The following M1AP variants were observed in gnomAD, a reference collection of about 807,000 sequenced individuals.
M1AP encodes meiosis 1 associated protein, also known as meiosis 1 arrest protein.
M1AP carries 39 observed loss-of-function variants against 51.2 expected under a neutral mutation model. The observed-to-expected ratio is 0.76, with a 90% CI of 0.59 to 1.00. The LOEUF is 1.00. M1AP is among the 50% of genes least tolerant of loss of function. The probability of loss-of-function intolerance (pLI) is 0.00; values close to 1 mark genes in which losing one functional copy is unlikely to be tolerated. For missense variants in M1AP, 545 were observed against 641.2 expected (o/e 0.85, Z 1.62); for synonymous variants, 251 against 249.2 (o/e 1.01, Z -0.07).
chr2:74,560,175 G>T lies in M1AP; in HGVS notation c.1398C>A (p.His466Gln). The change falls in exon 9 of 11, where the codon CAC (histidine) becomes CAA (glutamine). Residue 466 changes from histidine (H) to glutamine (Q), a missense_variant. His to Gln is a conservative substitution (Grantham distance 24, BLOSUM62 0). Transcript: ENST00000421985. ...CCTTTCTCGGAGCTCGGCTCTCCCAGTGTGGGTGGAGCCGCCCCTGAGGCT... is the reference window on the plus strand; with the variant it reads ...CCTTTCTCGGAGCTCGGCTCTCCCATTGTGGGTGGAGCCGCCCCTGAGGCT... ...YAKPQGRLHP[H>Q]WESRAPRKHP... The T allele has an allele frequency of 6.2e-7, 1 of 1,614,032 alleles. No homozygotes were observed. The highest frequency in any genetic ancestry group is 8.5e-7 in the Non-Finnish European group (1 of 1,180,004).
rs1024748181 is a variant in M1AP at position 74,558,815 on chromosome 2, A to G, written c.1494T>C (p.Pro498=). The G allele has an allele frequency of 6.2e-7, 1 of 1,610,192 alleles. No homozygotes were observed. Among genetic ancestry groups the G allele is most frequent in the African/African-American group, 1.3e-5 (1 of 74,892 alleles). Residue 498 remains proline (P), a synonymous_variant, in exon 11 of 11, where the codon CCT becomes CCC. Coordinates refer to ENST00000421985, the MANE Select transcript of M1AP (RefSeq NM_001321739.2). ...GCATCTTGGAGGCTCTGCCTGGGAC[A>G]GGAGTCATAGGCAGGGGGGCCACAG... The part of the protein sequence containing the change: ...RATVAPLPMT[P]VPGRASKMPA...
chr2:74,571,470 G>T (rs1678734210), intron 7 of M1AP, among the ~76,000 whole-genome samples: 1 of 152,002 alleles, frequency 6.6e-6, no homozygotes, highest in Non-Finnish European at 1.5e-5. Context: ...ATATGAAAAA[G>T]GTATATGAAA....
At chr2:74,644,289 G>A (rs554853763) in intron 1 of M1AP, among the ~76,000 whole-genome samples, 9 of 152,208 alleles carry the variant, frequency 5.9e-5, no homozygotes, top group East Asian at 3.9e-4. Flanking sequence ...CCTGTAATCC[G>A]AGCACTTTGA....
At chr2:74,648,055 G>A in intron 1 of M1AP, 1 of 985,510 alleles carries the variant, frequency 1.0e-6, no homozygotes, top group East Asian at 1.1e-4. Context: ...GCGCAGGCCT[G>A]GCCGCCCAGA....
At chr2:74,580,331 CAG>C (rs1679325835) in intron 5 of M1AP, among the ~76,000 whole-genome samples, 2 of 152,258 alleles carry the variant, frequency 1.3e-5, no homozygotes, top group South Asian at 4.1e-4. Context: ...GTAGGGAAAA[CAG>C]ATAAGTGAAG....
At chr2:74,609,824 T>C (rs548746674) in intron 3 of M1AP, among the ~76,000 whole-genome samples, 2 of 152,352 alleles carry the variant, frequency 1.3e-5, no homozygotes, top group South Asian at 4.1e-4. Context: ...TTGAGCATTT[T>C]TGCACCTGCC....
chr2:74,568,228 T>C (rs1245455416), intron 7 of M1AP, among the ~76,000 whole-genome samples: 2 of 152,202 alleles, frequency 1.3e-5, no homozygotes, highest in Admixed American at 6.5e-5. Context: ...TCTGAACAGA[T>C]AGCAAAGGGG....
intron 4 of M1AP, among the ~76,000 whole-genome samples, chr2:74,588,122 T>TA (rs1380612464): frequency 1.3e-5 from 2 of 152,194 alleles, no homozygotes; most frequent in Admixed American, 1.3e-4. Context: ...CACAGGGCCC[T>TA]AACCTCTAGG....
intron 4 of M1AP, among the ~76,000 whole-genome samples, chr2:74,597,663 A>G (rs1181683788): frequency 6.6e-6 from 1 of 152,240 alleles, no homozygotes; most frequent in Non-Finnish European, 1.5e-5. Context: ...GCGAGCACTT[A>G]GAAAGGGAAC....
intron 4 of M1AP, among the ~76,000 whole-genome samples, chr2:74,601,100 C>T (rs756117665): frequency 6.6e-6 from 1 of 151,918 alleles, no homozygotes; most frequent in African/African-American, 2.4e-5. Context: ...CTTTATAAAA[C>T]AAGCTATTTT....
intron 5 of M1AP, 27 bp downstream of exon 5, chr2:74,581,641 TCATAGC>T (rs1679410217): frequency 6.2e-7 from 1 of 1,600,034 alleles, no homozygotes; most frequent in Non-Finnish European, 8.6e-7. Flanking sequence ...ATAAGAATAA[TCATAGC>T]CTAAATATCT....
intron 2 of M1AP, among the ~76,000 whole-genome samples, chr2:74,637,438 A>G (rs1410540983): frequency 2.0e-5 from 3 of 152,166 alleles, no homozygotes; most frequent in African/African-American, 7.2e-5. Flanking sequence ...TTTCTTCATA[A>G]TGAGTCATAA....
chr2:74,582,299 C>T (rs1358265052), intron 4 of M1AP, among the ~76,000 whole-genome samples: 1 of 152,196 alleles, frequency 6.6e-6, no homozygotes, highest in Non-Finnish European at 1.5e-5. Flanking sequence ...AGCCTAGAGA[C>T]ATTCTTGAGC....
At chr2:74,563,369 C>T (rs191079870) in intron 7 of M1AP, among the ~76,000 whole-genome samples, 6 of 152,072 alleles carry the variant, frequency 3.9e-5, no homozygotes, top group East Asian at 1.9e-4. Context: ...GAGGCTGAGG[C>T]GGGTGGATCA....
intron 1 of M1AP, 188 bp downstream of exon 1, chr2:74,648,077 A>G (rs939151808): frequency 1.0e-6 from 1 of 985,446 alleles, no homozygotes; most frequent in Non-Finnish European, 1.2e-6. Context: ...CAGTATGCGG[A>G]GGGATGACTC....
At chr2:74,626,958 T>A (rs1281492586) in intron 2 of M1AP, among the ~76,000 whole-genome samples, 2 of 152,218 alleles carry the variant, frequency 1.3e-5, no homozygotes, top group African/African-American at 2.4e-5. Context: ...TCTTTTAAAA[T>A]TTGAACTTTA....
At chr2:74,629,318 A>C (rs1682572537) in intron 2 of M1AP, among the ~76,000 whole-genome samples, 1 of 152,210 alleles carries the variant, frequency 6.6e-6, no homozygotes, top group African/African-American at 2.4e-5. Flanking sequence ...ACCATCCCTA[A>C]TCTAAAAGTC....
At chr2:74,573,072 A>T (rs1366572911) in intron 7 of M1AP, among the ~76,000 whole-genome samples, 2 of 152,010 alleles carry the variant, frequency 1.3e-5, no homozygotes, top group Non-Finnish European at 2.9e-5. Context: ...TTTGAGACAG[A>T]GTCTCACACT....
intron 4 of M1AP, among the ~76,000 whole-genome samples, chr2:74,584,628 G>A (rs1468734244): frequency 6.6e-6 from 1 of 151,284 alleles, no homozygotes; most frequent in East Asian, 1.9e-4. Flanking sequence ...ATGTGAGGGA[G>A]CAATGCAAAG....
Sources: allele counts gnomAD v4.1 joint callset (sites outside exome capture counted in the v4.1 genomes callset), GRCh38; gene constraint gnomAD v4.1.1; transcripts MANE v1.5; gene names NCBI Gene and HGNC (gene_info 2026-07-23, HGNC 2026-07-21).